The following WWOX variants were observed in gnomAD, a reference collection of about 807,000 sequenced individuals.
The protein encoded by WWOX is WW domain-containing oxidoreductase.
Under a neutral mutation model 46.2 loss-of-function variants are expected in WWOX, and 69 were observed. The observed-to-expected ratio is 1.49, with a 90% CI of 1.23 to 1.82. WWOX has a LOEUF of 1.82. WWOX is among the 40% of genes most tolerant of loss of function. The pLI is 0.00. For missense variants in WWOX, 919 were observed against 542.6 expected, an observed-to-expected ratio of 1.69 and a Z score of -6.89; for synonymous variants, 359 against 202.6, an observed-to-expected ratio of 1.77 and a Z score of -6.56.
rs539189581 is a variant in WWOX, at chr16:78,099,680, C to G, written c.-99C>G. On this transcript the variant is annotated 5_prime_UTR_variant, in exon 1 of 9. Coordinates refer to ENST00000566780, the MANE Select transcript of WWOX (RefSeq NM_016373.4). The stretch of plus-strand genomic sequence containing the variant: ...CAGTGCGCAGGCGTGAGCGGTCGGG[C>G]CCCGACGCGCGCGGGTCTCGTTTGG... 3 of 1,420,930 alleles carry G rather than the reference C, an allele frequency of 2.1e-6. No individual in the cohort carries two copies. The highest frequency in any genetic ancestry group is 2.8e-5 in the Admixed American group (1 of 35,820). 88.0% of individuals were successfully genotyped at this position (1,420,930 alleles called of 1,614,324 possible).
intron 5 of WWOX, among the ~76,000 whole-genome samples, chr16:78,377,049 G>A (rs1049907178): frequency 3.3e-5 from 5 of 152,204 alleles, no homozygotes; most frequent in African/African-American, 4.8e-5. Context: ...TCGAGGAGGT[G>A]GGGCACTGAT....
chr16:79,104,758 A>T (rs558598476), intron 8 of WWOX, among the ~76,000 whole-genome samples: 1 of 152,144 alleles, frequency 6.6e-6, no homozygotes, highest in East Asian at 1.9e-4. Context: ...TCATTTGGAG[A>T]CCTACAGAAA....
chr16:79,056,143 G>T (rs926315655), intron 8 of WWOX, among the ~76,000 whole-genome samples: 1 of 151,356 alleles, frequency 6.6e-6, no homozygotes, highest in African/African-American at 2.4e-5. Flanking sequence ...CCAGCCATCA[G>T]CACCTCCCTG....
Position 78,450,124 on chromosome 16 carries a change from C to A in WWOX, c.1056+17372C>A, listed in dbSNP as rs1417822290. 3.3e-5 allele frequency among the ~76,000 whole-genome samples: 5 copies of A among 152,114 alleles called. No homozygotes were observed. In the East Asian group the frequency reaches 5.8e-4, roughly 18 times the overall value. ...TATAGTTTTCATGTTATAAAGCCAA[C>A]CATGTTAAAAATGTATAATAAAGTA... On this transcript the variant is annotated intron_variant, in intron 8 of 8. Coordinates refer to ENST00000566780, the MANE Select transcript of WWOX (RefSeq NM_016373.4).
chr16:78,927,769 G>T (rs777908083), intron 8 of WWOX, among the ~76,000 whole-genome samples: 2 of 152,266 alleles, frequency 1.3e-5, no homozygotes, highest in East Asian at 1.9e-4. Flanking sequence ...TTGCTCCAGC[G>T]TGGGGGAATT....
At chr16:78,560,296 A>G (rs1233736413) in intron 8 of WWOX, among the ~76,000 whole-genome samples, 1 of 152,220 alleles carries the variant, frequency 6.6e-6, no homozygotes, top group East Asian at 1.9e-4. Flanking sequence ...AAACAATTAC[A>G]CTAGCTGCTG....
chr16:78,435,487 C>G (rs2083314538), intron 8 of WWOX, among the ~76,000 whole-genome samples: 1 of 152,202 alleles, frequency 6.6e-6, no homozygotes. Context: ...GCGCACTGAG[C>G]TTTAGATCCC....
intron 8 of WWOX, among the ~76,000 whole-genome samples, chr16:79,075,667 C>G (rs2048642267): frequency 1.3e-5 from 2 of 151,984 alleles, no homozygotes; most frequent in African/African-American, 4.8e-5. Context: ...ATTCTCCTGC[C>G]TTAGCCTCCT....
chr16:79,134,100 T>TA (rs1270776762), intron 8 of WWOX, among the ~76,000 whole-genome samples: 13 of 152,096 alleles, frequency 8.5e-5, no homozygotes, highest in African/African-American at 1.7e-4. Context: ...TGTTTTTTTT[T>TA]AAAAATATGC....
rs760077691 is a variant in WWOX, at chr16:78,425,025, G to A, written c.761G>A (p.Arg254His). 8.7e-6 allele frequency: 14 copies of A among 1,613,808 alleles called. No individual in the cohort carries two copies. Among genetic ancestry groups the A allele is most frequent in the East Asian group, 2.2e-5 (1 of 44,872 alleles). The change falls in exon 7 of 9, where the codon CGT (arginine) becomes CAT (histidine). Residue 254 changes from arginine to histidine, a missense_variant. Coordinates refer to ENST00000566780, the MANE Select transcript of WWOX (RefSeq NM_016373.4). ...GTTTTGTGCCGCTCAGCTCCTGCCCGTGTCATTGTGGTCTCCTCAGAGTCC... is the reference window on the plus strand; with the variant it reads ...GTTTTGTGCCGCTCAGCTCCTGCCCATGTCATTGTGGTCTCCTCAGAGTCC... The part of the protein sequence containing the change: ...QDVLCRSAPA[R>H]VIVVSSESHR...
chr16:78,178,452 C>T (rs576845389), intron 5 of WWOX, among the ~76,000 whole-genome samples: 1 of 152,340 alleles, frequency 6.6e-6, no homozygotes, highest in African/African-American at 2.4e-5. Context: ...ATTTCCTCCA[C>T]CATCTGGAAC....
chr16:79,051,877 A>G (rs1280858592), intron 8 of WWOX, among the ~76,000 whole-genome samples: 1 of 152,180 alleles, frequency 6.6e-6, no homozygotes, highest in African/African-American at 2.4e-5. Flanking sequence ...TAGCCTAAAT[A>G]TTTGCCCTGG....
rs1365537915 is a variant in WWOX at position 79,022,364 on chromosome 16, A to AG, written c.1057-189244_1057-189243insG. Reference sequence around the variant, plus strand: ...TGTGGCAAAAAAAAAAAAAAAAAAAAAAGTCCCGCTTGTTATCAAGCCTAC... The same window carrying AG: ...TGTGGCAAAAAAAAAAAAAAAAAAAAGAAGTCCCGCTTGTTATCAAGCCTAC... On this transcript the variant is annotated intron_variant, in intron 8 of 8. Coordinates refer to ENST00000566780, the MANE Select transcript of WWOX (RefSeq NM_016373.4). Among the ~76,000 whole-genome samples the AG allele has an allele frequency of 5.9e-5, 9 of 151,784 alleles. No individual in the cohort carries two copies. In the South Asian group the frequency reaches 1.3e-3, roughly 21 times the overall value.
At chr16:78,646,848 T>C (rs1020898235) in intron 8 of WWOX, among the ~76,000 whole-genome samples, 3 of 152,190 alleles carry the variant, frequency 2.0e-5, no homozygotes, top group Non-Finnish European at 4.4e-5. Context: ...CAGCCGAAAC[T>C]AACTCTGCTG....
At chr16:78,127,017 G>C (rs947318398) in intron 4 of WWOX, among the ~76,000 whole-genome samples, 1 of 152,210 alleles carries the variant, frequency 6.6e-6, no homozygotes, top group Admixed American at 6.5e-5. Flanking sequence ...GTTAGGGCAA[G>C]CTTCATTGGT....
intron 8 of WWOX, among the ~76,000 whole-genome samples, chr16:78,615,833 C>G (rs1305627327): frequency 6.6e-6 from 1 of 151,552 alleles, no homozygotes; most frequent in East Asian, 1.9e-4. Flanking sequence ...TCACTGTAAG[C>G]TCCGCCTCCC....
intron 5 of WWOX, among the ~76,000 whole-genome samples, chr16:78,191,330 A>C (rs929109851): frequency 2.4e-4 from 36 of 152,286 alleles, no homozygotes; most frequent in Non-Finnish European, 4.4e-4. Flanking sequence ...TTGAGCTACT[A>C]AGTTGGAGCA....
chr16:79,187,651 C>T (rs900020882), intron 8 of WWOX, among the ~76,000 whole-genome samples: 2 of 152,220 alleles, frequency 1.3e-5, no homozygotes, highest in Non-Finnish European at 2.9e-5. Context: ...AAGTGATCGG[C>T]CTGCCTCAGC....
At chr16:78,968,519 G>C (rs763600101) in intron 8 of WWOX, among the ~76,000 whole-genome samples, 8 of 152,186 alleles carry the variant, frequency 5.3e-5, no homozygotes, top group Non-Finnish European at 1.0e-4. Flanking sequence ...ACCATCACAA[G>C]CAACGGGACA....
Sources: allele counts gnomAD v4.1 joint callset (sites outside exome capture counted in the v4.1 genomes callset), GRCh38; gene constraint gnomAD v4.1.1; transcripts MANE v1.5; gene names NCBI Gene and HGNC (gene_info 2026-07-23, HGNC 2026-07-21).